TMEM50B: variants seen among roughly 807,000 people sequenced by gnomAD.
The protein encoded by TMEM50B is HCV p7-trans-regulated protein 3.
A neutral mutation model predicts 23.4 loss-of-function variants in TMEM50B; 14 were observed. The ratio of observed to expected loss-of-function variants is 0.60; its 90% CI spans 0.39 to 0.93. TMEM50B has a LOEUF of 0.93. Among genes scored for constraint, TMEM50B ranks in the 40% least tolerant of loss-of-function variants. TMEM50B has a pLI of 0.00. For missense variants in TMEM50B, 159 were observed against 193.0 expected, an observed-to-expected ratio of 0.82 and a Z score of 1.04; for synonymous variants, 64 against 62.3, an observed-to-expected ratio of 1.03 and a Z score of -0.13.
intron 8 of TMEM50B, chr21:33,437,557 CAG>C (rs778179070): frequency 2.6e-5 from 4 of 152,474 alleles, no homozygotes; most frequent in South Asian, 2.1e-4. Context: ...CTATTTTCTG[CAG>C]AGTTTCAGCT....
downstream of TMEM50B, chr21:33,449,023 TTTC>T (rs973180977): frequency 8.5e-5 from 13 of 152,328 alleles, no homozygotes; most frequent in African/African-American, 2.9e-4. Flanking sequence ...TACAAGTCTA[TTTC>T]TTCTTATTTT....
At chr21:33,458,022 T>C (rs564461496) in intron 5 of TMEM50B, among the ~76,000 whole-genome samples, 3 of 152,224 alleles carry the variant, frequency 2.0e-5, no homozygotes, top group Non-Finnish European at 4.4e-5. Flanking sequence ...CTACAGACAA[T>C]CTAAAAATTT....
At chr21:33,452,367 G>A (rs1175679300) in intron 6 of TMEM50B, among the ~76,000 whole-genome samples, 1 of 152,182 alleles carries the variant, frequency 6.6e-6, no homozygotes, top group African/African-American at 2.4e-5. Context: ...GGGAACGCAG[G>A]AGATCTGCAG....
At chr21:33,457,148 G>A (rs1413226667) in intron 5 of TMEM50B, among the ~76,000 whole-genome samples, 1 of 151,800 alleles carries the variant, frequency 6.6e-6, no homozygotes, top group Non-Finnish European at 1.5e-5. Context: ...CAGCTACTTG[G>A]GAGATTGAGA....
chr21:33,438,447 AGTCATCTGATTGT>A (rs1011681564), intron 8 of TMEM50B, among the ~76,000 whole-genome samples: 2 of 152,224 alleles, frequency 1.3e-5, no homozygotes, highest in Non-Finnish European at 2.9e-5. Flanking sequence ...TGAGCACGCA[AGTCATCTGATTGT>A]GTCAGTACTG....
chr21:33,474,103 T>C (rs1204816981), intron 1 of TMEM50B, among the ~76,000 whole-genome samples: 1 of 150,192 alleles, frequency 6.7e-6, no homozygotes, highest in African/African-American at 2.5e-5. Flanking sequence ...CCGTAAATAC[T>C]AAAAATCATT....
At chr21:33,432,948 C>CA in intron 8 of TMEM50B, 1 of 1,227,322 alleles carries the variant, frequency 8.1e-7, no homozygotes, top group Non-Finnish European at 1.2e-6. Context: ...TGTCATGGTA[C>CA]AATCTCTGCT....
chr21:33,438,530 G>A (rs1024908187), intron 8 of TMEM50B, among the ~76,000 whole-genome samples: 2 of 152,046 alleles, frequency 1.3e-5, no homozygotes, highest in African/African-American at 4.8e-5. Flanking sequence ...GGGCACGGTG[G>A]CTCACACCTG....
chr21:33,433,187 C>T (rs780332871), intron 8 of TMEM50B, among the ~76,000 whole-genome samples: 12 of 152,062 alleles, frequency 7.9e-5, no homozygotes, highest in Non-Finnish European at 1.6e-4. Context: ...CGCCCGGCCA[C>T]GCAGACATCT....
At chr21:33,447,283 T>C (rs919078967), downstream of TMEM50B, 30 of 152,052 alleles carry the variant, frequency 2.0e-4, no homozygotes, top group African/African-American at 7.0e-4. Context: ...TAAAAGCAAC[T>C]TGGGAAAGGT....
At chr21:33,478,247 A>G (rs1374983570) in intron 1 of TMEM50B, among the ~76,000 whole-genome samples, 2 of 152,054 alleles carry the variant, frequency 1.3e-5, no homozygotes, top group African/African-American at 4.8e-5. Context: ...CAAGCGGATC[A>G]CTTGAGGTCA....
chr21:33,474,095 G>A (rs181004358), intron 1 of TMEM50B, among the ~76,000 whole-genome samples: 9 of 148,010 alleles, frequency 6.1e-5, no homozygotes, highest in East Asian at 4.2e-4. Flanking sequence ...GCACAGCTCC[G>A]TAAATACTAA....
chr21:33,463,734 G>A (rs1182381263), intron 4 of TMEM50B, among the ~76,000 whole-genome samples: 3 of 152,046 alleles, frequency 2.0e-5, no homozygotes, highest in Non-Finnish European at 2.9e-5. Flanking sequence ...CCTGAACAAC[G>A]TGGTAAAACC....
intron 4 of TMEM50B, among the ~76,000 whole-genome samples, chr21:33,462,095 AT>A (rs1568981298): frequency 6.6e-6 from 1 of 151,978 alleles, no homozygotes; most frequent in Non-Finnish European, 1.5e-5. Flanking sequence ...TACAATGATC[AT>A]TTTTCTACCT....
At position 33,441,536 on chromosome 21, in the gene TMEM50B, G is replaced by T. The variant is rs149532536; in HGVS notation, c.*2037-2239C>A. Among the ~76,000 whole-genome samples, 1,228 of 149,318 alleles carry T rather than the reference G, an allele frequency of 8.2e-3. 6 individuals are homozygous for T. Among genetic ancestry groups the T allele is most frequent in the Middle Eastern group, 0.037 (11 of 294 alleles). On this transcript the variant is annotated intron_variant and NMD_transcript_variant, in intron 7 of 8. Transcript: ENST00000420455. ...CCATTCCAAGGTTAGACAGGCAGTT[G>T]TTGGGCAGATGTCCTCATAGAAGTG...
At chr21:33,441,487 T>TAA (rs796386819) in intron 7 of TMEM50B, among the ~76,000 whole-genome samples, 6 of 152,272 alleles carry the variant, frequency 3.9e-5, no homozygotes, top group African/African-American at 1.4e-4. Flanking sequence ...TCCTTGGCTA[T>TAA]AAGGATCAAT....
chr21:33,445,826 CTTA>C (rs914823864), downstream of TMEM50B, among the ~76,000 whole-genome samples: 3 of 152,052 alleles, frequency 2.0e-5, no homozygotes, highest in Admixed American at 2.0e-4. Flanking sequence ...GTGTGAATCA[CTTA>C]TTATTTCCAG....
At chr21:33,478,073 T>C (rs1037640370) in intron 1 of TMEM50B, among the ~76,000 whole-genome samples, 1 of 151,316 alleles carries the variant, frequency 6.6e-6, no homozygotes, top group East Asian at 1.9e-4. Context: ...ACGTGGAGCT[T>C]GCAGTGAGCC....
downstream of TMEM50B, among the ~76,000 whole-genome samples, chr21:33,448,227 T>G (rs1417600286): frequency 6.6e-6 from 1 of 152,082 alleles, no homozygotes; most frequent in African/African-American, 2.4e-5. Flanking sequence ...ACTCCTGACC[T>G]CATGATCTGC....
Sources: gnomAD v4.1 joint callset for allele counts (sites outside exome capture counted in the v4.1 genomes callset) on GRCh38, gnomAD v4.1.1 for gene constraint, MANE v1.5 for transcripts, NCBI Gene and HGNC (gene_info 2026-07-23, HGNC 2026-07-21) for gene names.